The following HACD2 variants were observed in gnomAD, a reference collection of about 807,000 sequenced individuals.
HACD2 encodes the protein 3-hydroxyacyl-CoA dehydratase 2.
Under a neutral mutation model 31.0 loss-of-function variants are expected in HACD2, and 15 were observed. The observed-to-expected ratio is 0.48, with a 90% CI of 0.32 to 0.75. The LOEUF (loss-of-function observed/expected upper bound fraction) is 0.75. Among genes scored for constraint, HACD2 ranks in the 30% least tolerant of loss-of-function variants. The pLI is 0.03. For synonymous variants in HACD2, 115 were observed against 122.2 expected, an observed-to-expected ratio of 0.94 and a Z score of 0.39; for missense variants, 283 against 313.0, an observed-to-expected ratio of 0.90 and a Z score of 0.72.
chr3:123,530,993 G>A (rs761674756), intron 3 of HACD2, among the ~76,000 whole-genome samples: 1 of 151,824 alleles, frequency 6.6e-6, no homozygotes, highest in East Asian at 2.0e-4. Context: ...TTAGCCTCCC[G>A]AGTGGCTGGG....
chr3:123,569,962 G>A (rs777408699), intron 2 of HACD2, among the ~76,000 whole-genome samples: 8 of 124,448 alleles, frequency 6.4e-5, no homozygotes, highest in Non-Finnish European at 1.1e-4. Context: ...GCACTCCAGC[G>A]TGGGCGAGAG....
chr3:123,521,730 AAG>A (rs2056217341), intron 4 of HACD2, among the ~76,000 whole-genome samples: 1 of 152,124 alleles, frequency 6.6e-6, no homozygotes, highest in Non-Finnish European at 1.5e-5. Context: ...CATTAAAGAC[AAG>A]TGAAACCAAT....
At chr3:123,580,453 G>A (rs919281995) in intron 2 of HACD2, among the ~76,000 whole-genome samples, 1 of 152,126 alleles carries the variant, frequency 6.6e-6, no homozygotes, top group African/African-American at 2.4e-5. Flanking sequence ...TTCAGCCTGG[G>A]TGACAGAGTG....
At chr3:123,514,650 G>A (rs1559905058) in intron 4 of HACD2, among the ~76,000 whole-genome samples, 1 of 152,120 alleles carries the variant, frequency 6.6e-6, no homozygotes, top group Non-Finnish European at 1.5e-5. Context: ...AATGAACACT[G>A]GCCCCAATCT....
Position 123,500,652 on chromosome 3 carries a change from C to T in HACD2, c.545G>A (p.Gly182Glu). 6.2e-7 allele frequency: 1 copy of T among 1,613,100 alleles called. No homozygotes were observed. The highest frequency in any genetic ancestry group is 2.2e-5 in the East Asian group (1 of 44,866). ...AGCTGCATATATTGTGAGCAGTTCT[C>T]CTGACACTCCCATTGGGTACAGCAC... Reference protein sequence around the residue: ...FIVLYPMGVSGELLTIYAALP... With the variant: ...FIVLYPMGVSEELLTIYAALP... Residue 182 changes from glycine to glutamate, a missense_variant, in exon 6 of 7, where the codon GGA becomes GAA. This residue lies in a region of HACD2 where 85 missense variants were observed against 129.6 expected (regional missense o/e 0.66). Transcript: ENST00000383657.
At chr3:123,505,091 G>A (rs1256085895) in intron 4 of HACD2, among the ~76,000 whole-genome samples, 2 of 152,144 alleles carry the variant, frequency 1.3e-5, no homozygotes, top group African/African-American at 4.8e-5. Flanking sequence ...TTAAAAGGGA[G>A]GAAATTCTTA....
At chr3:123,569,145 G>C (rs2107749548) in intron 2 of HACD2, among the ~76,000 whole-genome samples, 1 of 152,218 alleles carries the variant, frequency 6.6e-6, no homozygotes, top group East Asian at 1.9e-4. Flanking sequence ...GCACAATGTT[G>C]CTGGTAACTG....
intron 3 of HACD2, among the ~76,000 whole-genome samples, chr3:123,541,200 G>T (rs1036944110): frequency 6.6e-6 from 1 of 152,138 alleles, no homozygotes; most frequent in Admixed American, 6.5e-5. Context: ...GAGCCTGAGA[G>T]GCGGAGGTTG....
At chr3:123,542,071 C>T (rs1345624558) in intron 3 of HACD2, among the ~76,000 whole-genome samples, 11 of 122,054 alleles carry the variant, frequency 9.0e-5, no homozygotes, top group East Asian at 2.8e-4. Context: ...GGCGTGAACC[C>T]GGGAGGCGGA....
chr3:123,516,860 G>T (rs192847951), intron 4 of HACD2, among the ~76,000 whole-genome samples: 11 of 152,264 alleles, frequency 7.2e-5, no homozygotes, highest in Non-Finnish European at 1.5e-4. Flanking sequence ...AGAAAGGATG[G>T]TCGGTACCTC....
chr3:123,511,861 T>G (rs570496329), intron 4 of HACD2, among the ~76,000 whole-genome samples: 4 of 152,306 alleles, frequency 2.6e-5, no homozygotes, highest in Admixed American at 6.5e-5. Context: ...TCCCCAATGC[T>G]GGGGGTGGGA....
Position 123,511,393 on chromosome 3 carries a change from A to G in HACD2, c.382-8712T>C, listed in dbSNP as rs556416931. On this transcript the variant is annotated intron_variant, in intron 4 of 6. Coordinates refer to ENST00000383657, the MANE Select transcript of HACD2 (RefSeq NM_198402.5). ...TACACACACACATTATGGGGTAACA[A>G]TTATCTTTCAAAATCAATAACTATT... is the stretch of plus-strand genomic sequence containing the variant. 3.3e-5 allele frequency among the ~76,000 whole-genome samples: 5 copies of G among 152,262 alleles called. No homozygotes were observed. The East Asian group carries it at 9.7e-4, about 29-fold the overall frequency.
chr3:123,514,131 C>A (rs1047209041), intron 4 of HACD2, among the ~76,000 whole-genome samples: 2 of 152,008 alleles, frequency 1.3e-5, no homozygotes, highest in Non-Finnish European at 2.9e-5. Flanking sequence ...AAAAATTAGC[C>A]GAGCGTGGTG....
At chr3:123,552,190 A>T (rs1172724821) in intron 3 of HACD2, among the ~76,000 whole-genome samples, 1 of 152,128 alleles carries the variant, frequency 6.6e-6, no homozygotes, top group Admixed American at 6.6e-5. Flanking sequence ...TCTTATTTGG[A>T]GCACTAACCA....
intron 6 of HACD2, among the ~76,000 whole-genome samples, chr3:123,495,383 A>G (rs2055819935): frequency 6.6e-6 from 1 of 152,170 alleles, no homozygotes; most frequent in Non-Finnish European, 1.5e-5. Context: ...CAGAGAGGGT[A>G]AGCAACTTGC....
chr3:123,555,077 C>A (rs2056659783), intron 3 of HACD2, among the ~76,000 whole-genome samples: 1 of 151,868 alleles, frequency 6.6e-6, no homozygotes, highest in African/African-American at 2.4e-5. Flanking sequence ...TACAGAAGAA[C>A]TTAAAAAAAT....
At chr3:123,526,048 C>A (rs1432358738) in intron 4 of HACD2, among the ~76,000 whole-genome samples, 1 of 151,668 alleles carries the variant, frequency 6.6e-6, no homozygotes, top group Admixed American at 6.6e-5. Context: ...AGAGAGCAAG[C>A]ACTGGCCTCT....
chr3:123,539,919 A>G (rs1452345993), intron 3 of HACD2, among the ~76,000 whole-genome samples: 1 of 144,026 alleles, frequency 6.9e-6, no homozygotes, highest in East Asian at 2.0e-4. Context: ...ACTAAAAAAA[A>G]AAAAAAAAAA....
chr3:123,520,820 G>A (rs1021806976), intron 4 of HACD2, among the ~76,000 whole-genome samples: 7 of 151,986 alleles, frequency 4.6e-5, no homozygotes, highest in African/African-American at 1.2e-4. Context: ...TTGTTTCCCC[G>A]TGTTATTCAT....
Sources: allele counts gnomAD v4.1 joint callset (sites outside exome capture counted in the v4.1 genomes callset), GRCh38; gene constraint gnomAD v4.1.1; regional missense constraint gnomAD v4.1.1; transcripts MANE v1.5; gene names NCBI Gene and HGNC (gene_info 2026-07-23, HGNC 2026-07-21).